The following WDPCP variants were observed in gnomAD, a reference collection of about 807,000 sequenced individuals.
The protein encoded by WDPCP is WD repeat-containing and planar cell polarity effector protein fritz homolog.
WDPCP carries 71 observed loss-of-function variants against 93.1 expected under a neutral mutation model. That is an observed-to-expected ratio of 0.76 (90% CI 0.63 to 0.93). The LOEUF (loss-of-function observed/expected upper bound fraction) is 0.93, where lower values mean the gene tolerates loss of function less well. WDPCP is among the 40% of genes least tolerant of loss of function. The probability of loss-of-function intolerance (pLI) is 0.00; values close to 1 mark genes in which losing one functional copy is unlikely to be tolerated. For missense variants in WDPCP, 844 were observed against 887.4 expected, an observed-to-expected ratio of 0.95 and a Z score of 0.62; for synonymous variants, 315 against 315.0, an observed-to-expected ratio of 1.00 and a Z score of 0.00.
intron 17 of WDPCP, among the ~76,000 whole-genome samples, chr2:63,136,597 A>C (rs1670637123): frequency 6.6e-6 from 1 of 152,102 alleles, no homozygotes; most frequent in Non-Finnish European, 1.5e-5. Context: ...AACATAGGTA[A>C]ACTTGTGTAG....
In WDPCP at chr2:63,636,919, C is replaced by T. The variant is rs1182359051; in HGVS notation, n.488+13740G>A. Among the ~76,000 whole-genome samples the T allele has an allele frequency of 3.9e-5, 6 of 152,276 alleles. No individual in the cohort carries two copies. In the East Asian group the frequency reaches 9.6e-4, roughly 24 times the overall value. On this transcript the variant is annotated intron_variant and non_coding_transcript_variant, in intron 3 of 4. Transcript: ENST00000467687. ...ACTTTACATCACTTCCAAAAATTAA[C>T]TCAAATTGGATTTAACATTTAAGTG...
rs1575239490 is a variant in WDPCP at position 63,366,342 on chromosome 2, G to C, written c.1748+12044C>G. On this transcript the variant is annotated intron_variant, in intron 12 of 17. Coordinates refer to ENST00000272321, the MANE Select transcript of WDPCP (RefSeq NM_015910.7). ...TATTCCTTAGCATTTAATTGATCTTGTTAGAAATTAAAATCACTTAATTTA... is the reference window on the plus strand; with the variant it reads ...TATTCCTTAGCATTTAATTGATCTTCTTAGAAATTAAAATCACTTAATTTA... Among the ~76,000 whole-genome samples, 2 of 151,824 alleles carry C rather than the reference G, an allele frequency of 1.3e-5. 1 individual carries two copies. Among genetic ancestry groups the C allele is most frequent in the Non-Finnish European group, 3.0e-5 (2 of 67,748 alleles).
intron 2 of WDPCP, among the ~76,000 whole-genome samples, chr2:63,754,859 T>A (rs1010655998): frequency 2.5e-4 from 38 of 152,212 alleles, no homozygotes; most frequent in African/African-American, 8.4e-4. Context: ...TCATTGTTAT[T>A]TTGGGTCAGA....
intron 13 of WDPCP, among the ~76,000 whole-genome samples, chr2:63,297,798 CA>C (rs745982348): frequency 2.6e-5 from 4 of 152,084 alleles, no homozygotes; most frequent in Non-Finnish European, 5.9e-5. Flanking sequence ...GATATATACA[CA>C]ACATTCAGTT....
intron 2 of WDPCP, 72 bp from the exon 3 acceptor site, chr2:63,487,566 T>C: frequency 3.6e-6 from 4 of 1,126,724 alleles, no homozygotes; most frequent in Admixed American, 1.9e-5. Context: ...AGCCATACTA[T>C]ATTAGGGGAA....
intron 1 of WDPCP, among the ~76,000 whole-genome samples, chr2:63,529,146 C>T (rs572853514): frequency 2.2e-4 from 34 of 152,286 alleles, no homozygotes; most frequent in African/African-American, 7.7e-4. Flanking sequence ...AATATACAAT[C>T]GTGCCATCTG....
At chr2:63,768,428 T>A (rs1289490222) in intron 2 of WDPCP, among the ~76,000 whole-genome samples, 3 of 151,878 alleles carry the variant, frequency 2.0e-5, no homozygotes, top group Admixed American at 6.6e-5. Flanking sequence ...TTTTAAAAAA[T>A]CTGCTGAAAT....
At chr2:63,702,600 G>A (rs1004851822) in intron 2 of WDPCP, among the ~76,000 whole-genome samples, 1 of 150,196 alleles carries the variant, frequency 6.7e-6, no homozygotes, top group African/African-American at 2.5e-5. Flanking sequence ...GTGCATTGGC[G>A]CGATTTCGGC....
At chr2:63,335,360 T>C (rs1013689898) in intron 12 of WDPCP, among the ~76,000 whole-genome samples, 1 of 152,150 alleles carries the variant, frequency 6.6e-6, no homozygotes, top group Non-Finnish European at 1.5e-5. Flanking sequence ...ATTGAGACTC[T>C]CCTTGCTCAT....
intron 14 of WDPCP, among the ~76,000 whole-genome samples, chr2:63,203,577 T>G (rs1337870675): frequency 6.6e-6 from 1 of 152,204 alleles, no homozygotes; most frequent in African/African-American, 2.4e-5. Context: ...TGTGTTGTGC[T>G]AGCAAATACT....
chr2:63,779,682 G>A (rs936689732), intron 2 of WDPCP, among the ~76,000 whole-genome samples: 1 of 152,080 alleles, frequency 6.6e-6, no homozygotes, highest in Admixed American at 6.6e-5. Flanking sequence ...TTGATTAAGC[G>A]CCTTGTGAGG....
chr2:63,767,671 G>A (rs1254393762), intron 2 of WDPCP, among the ~76,000 whole-genome samples: 3 of 151,992 alleles, frequency 2.0e-5, no homozygotes, highest in Non-Finnish European at 4.4e-5. Flanking sequence ...TATCTTATCT[G>A]TAGGTTTATT....
At chr2:63,696,503 G>T (rs983023909) in intron 2 of WDPCP, among the ~76,000 whole-genome samples, 2 of 152,122 alleles carry the variant, frequency 1.3e-5, no homozygotes, top group African/African-American at 4.8e-5. Flanking sequence ...CTTCTCTCCA[G>T]TAGTATTGAG....
intron 1 of WDPCP, among the ~76,000 whole-genome samples, chr2:63,559,129 T>A (rs1346084713): frequency 6.6e-6 from 1 of 152,140 alleles, no homozygotes; most frequent in South Asian, 2.1e-4. Flanking sequence ...TGGTTCAACA[T>A]ATGCAAATCA....
chr2:63,491,899 T>C (rs1197523875), intron 2 of WDPCP, among the ~76,000 whole-genome samples: 1 of 152,202 alleles, frequency 6.6e-6, no homozygotes, highest in Non-Finnish European at 1.5e-5. Flanking sequence ...CTAATTCCTC[T>C]TTCCCTCCCA....
intron 14 of WDPCP, among the ~76,000 whole-genome samples, chr2:63,222,168 C>T (rs1235439503): frequency 6.6e-6 from 1 of 152,198 alleles, no homozygotes. Context: ...TATATGTTTA[C>T]TCCTAATATT....
chr2:63,621,252 C>T (rs912883862), intron 3 of WDPCP, among the ~76,000 whole-genome samples: 6 of 151,808 alleles, frequency 4.0e-5, no homozygotes, highest in African/African-American at 1.5e-4. Flanking sequence ...ACATTCTAAC[C>T]CAAGGCAAGA....
At chr2:63,483,608 C>A (rs1700396845) in intron 6 of WDPCP, among the ~76,000 whole-genome samples, 1 of 151,798 alleles carries the variant, frequency 6.6e-6, no homozygotes, top group Non-Finnish European at 1.5e-5. Context: ...ATAATTGCTA[C>A]AAATTTGACG....
intron 2 of WDPCP, among the ~76,000 whole-genome samples, chr2:63,679,987 A>T (rs889522689): frequency 5.3e-5 from 8 of 152,318 alleles, no homozygotes; most frequent in African/African-American, 1.7e-4. Context: ...GGCAGCAGGC[A>T]GAGACCACTT....
Sources: allele counts gnomAD v4.1 joint callset (sites outside exome capture counted in the v4.1 genomes callset), GRCh38; gene constraint gnomAD v4.1.1; transcripts MANE v1.5; gene names NCBI Gene and HGNC (gene_info 2026-07-23, HGNC 2026-07-21).